The following SDK1 variants were observed in gnomAD, a reference collection of about 807,000 sequenced individuals.
SDK1 encodes the protein protein sidekick-1.
SDK1 carries 157 observed loss-of-function variants against 245.5 expected under a neutral mutation model. That is an observed-to-expected ratio of 0.64 (90% CI 0.56 to 0.73). SDK1 has a LOEUF of 0.73. Among genes scored for constraint, SDK1 ranks in the 30% least tolerant of loss-of-function variants. The pLI is 0.00. For synonymous variants in SDK1, 1,647 were observed against 1,278.5 expected (o/e 1.29, Z -6.15); for missense variants, 3,583 against 3,002.3 (o/e 1.19, Z -4.52).
intron 5 of SDK1, among the ~76,000 whole-genome samples, chr7:3,832,352 C>G (rs1245069685): frequency 6.6e-6 from 1 of 152,184 alleles, no homozygotes; most frequent in African/African-American, 2.4e-5. Flanking sequence ...TGAATGCAGC[C>G]TAACGATTGG....
At chr7:3,488,811 G>A (rs1402498507) in intron 1 of SDK1, among the ~76,000 whole-genome samples, 2 of 152,012 alleles carry the variant, frequency 1.3e-5, no homozygotes, top group African/African-American at 2.4e-5. Context: ...TTGTCTCATA[G>A]GCTGGCTGTC....
intron 30 of SDK1, among the ~76,000 whole-genome samples, chr7:4,156,803 T>G (rs781144403): frequency 1.3e-5 from 2 of 152,164 alleles, no homozygotes; most frequent in Non-Finnish European, 2.9e-5. Flanking sequence ...TTCAGAGTCC[T>G]GGGGGTCCAC....
chr7:3,983,172 A>C lies in SDK1; in HGVS notation c.1995-4014A>C, dbSNP rs575048381. The stretch of plus-strand genomic sequence containing the variant: ...ATTGTTGAAATGGCAACAAGGCCTT[A>C]GAATATTGCATGAACTTAGCTGGTA... On this transcript the variant is annotated intron_variant, in intron 13 of 44. Transcript: ENST00000404826. Among the ~76,000 whole-genome samples, 2 of 152,348 alleles carry C rather than the reference A, an allele frequency of 1.3e-5. 1 individual carries two copies. The highest frequency in any genetic ancestry group is 4.1e-4 in the South Asian group (2 of 4,828).
chr7:3,383,522 G>A (rs1032537657), intron 1 of SDK1, among the ~76,000 whole-genome samples: 2 of 152,134 alleles, frequency 1.3e-5, no homozygotes, highest in African/African-American at 4.8e-5. Context: ...CATGTAATCA[G>A]ATTTTGTGCT....
chr7:3,336,511 A>C (rs1319394240), intron 1 of SDK1, among the ~76,000 whole-genome samples: 1 of 152,134 alleles, frequency 6.6e-6, no homozygotes, highest in Admixed American at 6.5e-5. Context: ...GACCTCTTCC[A>C]TCCCCATCAT....
rs559065786 is a variant in SDK1 at position 3,938,645 on chromosome 7, C to CAAAAAAA, written c.848-12269_848-12263dup. 6.5e-4 allele frequency among the ~76,000 whole-genome samples: 59 copies of CAAAAAAA among 90,590 alleles called. 1 individual carries two copies. The highest frequency in any genetic ancestry group is 3.1e-3 in the African/African-American group (58 of 18,636). 59.4% of individuals were successfully genotyped at this position (90,590 alleles called of 152,430 possible). A position where few individuals can be genotyped will look rare whatever the true frequency, so the allele number is the denominator to read the frequency against. ...TGGGCGACAGAGTGAGACTCCGTCT[C>CAAAAAAA]AAAAAAAAAAAAAAAGAGATCCTCA... is the stretch of plus-strand genomic sequence containing the variant. On this transcript the variant is annotated intron_variant, in intron 5 of 44. Transcript: ENST00000404826.
intron 1 of SDK1, among the ~76,000 whole-genome samples, chr7:3,345,084 T>C (rs991327058): frequency 2.6e-5 from 4 of 152,194 alleles, no homozygotes; most frequent in African/African-American, 9.6e-5. Flanking sequence ...TTTGAAGTCT[T>C]GTTGTAGAAC....
intron 1 of SDK1, among the ~76,000 whole-genome samples, chr7:3,356,131 C>T (rs758025167): frequency 3.3e-5 from 5 of 152,152 alleles, no homozygotes; most frequent in African/African-American, 4.8e-5. Flanking sequence ...AAGCTATTTT[C>T]TTAGCTTGTA....
intron 1 of SDK1, among the ~76,000 whole-genome samples, chr7:3,459,305 T>C (rs1562498665): frequency 6.6e-6 from 1 of 152,224 alleles, no homozygotes; most frequent in Non-Finnish European, 1.5e-5. Context: ...GTCATACTTT[T>C]TGTATGGCTC....
At chr7:3,853,209 T>A (rs1012458757) in intron 5 of SDK1, among the ~76,000 whole-genome samples, 1 of 152,194 alleles carries the variant, frequency 6.6e-6, no homozygotes, top group Admixed American at 6.5e-5. Flanking sequence ...ACATTGACTT[T>A]CCATTGCAAA....
At chr7:3,504,212 G>GTGTGTGTGTGTGTGTGTA (rs1315924862) in intron 1 of SDK1, among the ~76,000 whole-genome samples, 1 of 150,868 alleles carries the variant, frequency 6.6e-6, no homozygotes, top group African/African-American at 2.4e-5. Flanking sequence ...GTGTGTGTGT[G>GTGTGTGTGTGTGTGTGTA]TAGATAAAAC....
chr7:3,686,309 C>G (rs569604356), intron 4 of SDK1, among the ~76,000 whole-genome samples: 2 of 152,172 alleles, frequency 1.3e-5, no homozygotes, highest in African/African-American at 4.8e-5. Flanking sequence ...CTCCTGACCT[C>G]GGGTGATCCA....
chr7:4,208,788 C>G (rs1784372012), intron 37 of SDK1, among the ~76,000 whole-genome samples: 1 of 152,248 alleles, frequency 6.6e-6, no homozygotes, highest in Admixed American at 6.5e-5. Flanking sequence ...ACGGGCCAGT[C>G]CCGAGGGCTC....
intron 1 of SDK1, among the ~76,000 whole-genome samples, chr7:3,385,459 CAAT>C (rs1226495068): frequency 6.6e-6 from 1 of 151,908 alleles, no homozygotes. Context: ...TGTTAGCAGA[CAAT>C]AATTTTTTTT....
chr7:4,174,133 C>A, intron 32 of SDK1, 89 bp from the exon 33 acceptor site: 1 of 1,415,776 alleles, frequency 7.1e-7, no homozygotes. Context: ...GTGCAGCTGG[C>A]TAGTTAAACA....
At chr7:3,386,190 C>T (rs546958918) in intron 1 of SDK1, among the ~76,000 whole-genome samples, 2 of 152,184 alleles carry the variant, frequency 1.3e-5, no homozygotes, top group South Asian at 4.2e-4. Context: ...AGCATCCAGC[C>T]AAATTATCAT....
At position 3,628,629 on chromosome 7, in the gene SDK1, T is replaced by A. The variant is rs1040722769; in HGVS notation, c.458+9390T>A. Among the ~76,000 whole-genome samples the A allele has an allele frequency of 2.6e-5, 4 of 152,196 alleles. No homozygotes were observed. The South Asian group carries it at 8.3e-4, about 32-fold the overall frequency. On this transcript the variant is annotated intron_variant, in intron 2 of 44. Coordinates refer to ENST00000404826, the MANE Select transcript of SDK1 (RefSeq NM_152744.4). ...GTGAAAGGGCAGCTTCTAGAACTAT[T>A]GTCTAATTCTATGGCTGAGTCCTGT... is the stretch of plus-strand genomic sequence containing the variant.
At chr7:4,044,492 G>T (rs934462848) in intron 17 of SDK1, among the ~76,000 whole-genome samples, 2 of 152,158 alleles carry the variant, frequency 1.3e-5, no homozygotes, top group African/African-American at 4.8e-5. Context: ...TCTGTTGCTT[G>T]GAGTGCAGTG....
rs996769679 is a variant in SDK1 at position 3,403,432 on chromosome 7, A to G, written c.298+101548A>G. 1.8e-4 allele frequency among the ~76,000 whole-genome samples: 28 copies of G among 152,056 alleles called. 1 individual carries two copies. Among genetic ancestry groups the G allele is most frequent in the Non-Finnish European group, 5.9e-5 (4 of 67,998 alleles). On this transcript the variant is annotated intron_variant, in intron 1 of 44. Transcript: ENST00000404826. The stretch of plus-strand genomic sequence containing the variant: ...TTAAGGTTATTTGAACGTTTTGACT[A>G]TTTGATGGTGTTTTTTGTTTGATTT...
Sources: gnomAD v4.1 joint callset for allele counts (sites outside exome capture counted in the v4.1 genomes callset) on GRCh38, gnomAD v4.1.1 for gene constraint, MANE v1.5 for transcripts, NCBI Gene and HGNC (gene_info 2026-07-23, HGNC 2026-07-21) for gene names.